PCBP3: variants seen among roughly 807,000 people sequenced by gnomAD.
PCBP3 encodes the protein poly(rC)-binding protein 3.
Under a neutral mutation model 52.7 loss-of-function variants are expected in PCBP3, and 25 were observed. The observed-to-expected ratio is 0.47, with a 90% confidence interval of 0.35 to 0.66. The LOEUF (loss-of-function observed/expected upper bound fraction) is 0.66, where lower values mean the gene tolerates loss of function less well. Among genes scored for constraint, PCBP3 ranks in the 30% least tolerant of loss-of-function variants. The probability of loss-of-function intolerance (pLI) is 0.01; values close to 1 mark genes in which losing one functional copy is unlikely to be tolerated. For missense variants in PCBP3, 391 were observed against 490.3 expected, an observed-to-expected ratio of 0.80 and a Z score of 1.91; for synonymous variants, 162 against 183.0, an observed-to-expected ratio of 0.89 and a Z score of 0.93.
At position 45,910,997 on chromosome 21, in the gene PCBP3, G is replaced by A. The variant is rs368925212; in HGVS notation, c.567G>A (p.Gln189=). The A allele has an allele frequency of 8.1e-6, 13 of 1,611,744 alleles. No homozygotes were observed. The African/African-American group carries it at 1.3e-4, about 17-fold the overall frequency. The change falls in exon 11 of 18, where the codon CAG becomes CAA. Residue 189 remains glutamine, a synonymous_variant. Coordinates refer to ENST00000681687, the MANE Select transcript of PCBP3 (RefSeq NM_001384156.1). ...TISGTPDAII[Q]CVKQICVVML... The stretch of plus-strand genomic sequence containing the variant: ...CGGGGACCCCAGATGCCATCATCCA[G>A]TGCGTCAAGCAGATCTGTGTGGTCA...
At chr21:45,856,575 A>T (rs1024193540) in intron 5 of PCBP3, among the ~76,000 whole-genome samples, 1 of 152,134 alleles carries the variant, frequency 6.6e-6, no homozygotes, top group African/African-American at 2.4e-5. Context: ...TAGTTGTGTA[A>T]AAGTGTGTGG....
At chr21:45,803,614 G>A (rs1451960918) in intron 4 of PCBP3, among the ~76,000 whole-genome samples, 1 of 152,186 alleles carries the variant, frequency 6.6e-6, no homozygotes, top group East Asian at 1.9e-4. Context: ...AGGACACTGA[G>A]GGCAGGAAGG....
intron 5 of PCBP3, among the ~76,000 whole-genome samples, chr21:45,879,210 CCTA>C (rs1312264876): frequency 2.0e-5 from 3 of 152,134 alleles, no homozygotes; most frequent in African/African-American, 7.2e-5. Flanking sequence ...GTCCTAAACT[CCTA>C]CACTCAAGCG....
At chr21:45,834,970 A>C (rs1460876797) in intron 4 of PCBP3, among the ~76,000 whole-genome samples, 2 of 152,168 alleles carry the variant, frequency 1.3e-5, no homozygotes, top group Non-Finnish European at 2.9e-5. Context: ...CGCGGTGTCC[A>C]CCCGTGCTCG....
intron 5 of PCBP3, among the ~76,000 whole-genome samples, chr21:45,885,605 G>A (rs1250934979): frequency 1.3e-5 from 2 of 151,986 alleles, no homozygotes; most frequent in Admixed American, 6.6e-5. Context: ...TTGTTGGGAC[G>A]GGGTACTTTC....
intron 3 of PCBP3, among the ~76,000 whole-genome samples, chr21:45,748,883 G>A (rs1316596807): frequency 1.3e-5 from 2 of 152,216 alleles, no homozygotes; most frequent in Non-Finnish European, 1.5e-5. Flanking sequence ...AGATCACCAC[G>A]TGACCTCGGC....
chr21:45,686,491 A>AC (rs1350533459), intron 2 of PCBP3, among the ~76,000 whole-genome samples: 1 of 152,212 alleles, frequency 6.6e-6, no homozygotes. Flanking sequence ...CCAGACACTT[A>AC]ATGTAATTTT....
chr21:45,934,687 A>G (rs9977242), intron 15 of PCBP3, among the ~76,000 whole-genome samples: 9,598 of 152,270 alleles, frequency 0.063, 749 homozygotes, highest in African/African-American at 0.18. Context: ...CATCAGAATC[A>G]GAATGAGAGG....
chr21:45,819,380 G>A (rs181643712), intron 4 of PCBP3, among the ~76,000 whole-genome samples: 23 of 152,344 alleles, frequency 1.5e-4, no homozygotes, highest in African/African-American at 5.3e-4. Context: ...GAGGGAAAGC[G>A]CTGGTTATGT....
At chr21:45,867,055 TGAG>T (rs1160806943) in intron 5 of PCBP3, among the ~76,000 whole-genome samples, 1 of 152,236 alleles carries the variant, frequency 6.6e-6, no homozygotes, top group Non-Finnish European at 1.5e-5. Flanking sequence ...CATCGGTCAT[TGAG>T]GTATCTATTC....
chr21:45,747,580 G>A lies in PCBP3; in HGVS notation c.-161-7837G>A, dbSNP rs185745492. 5.3e-5 allele frequency among the ~76,000 whole-genome samples: 8 copies of A among 152,332 alleles called. No individual in the cohort carries two copies. The East Asian group carries it at 1.2e-3, about 22-fold the overall frequency. ...CAGCACTATTTCACTGTGGAAATGC[G>A]GGCCCCAGAACCAGGAGGGCCAGGG... On this transcript the variant is annotated intron_variant, in intron 3 of 17. Coordinates refer to ENST00000681687, the MANE Select transcript of PCBP3 (RefSeq NM_001384156.1).
At chr21:45,893,834 T>C (rs1393988747) in intron 5 of PCBP3, 1 of 985,266 alleles carries the variant, frequency 1.0e-6, no homozygotes, top group Non-Finnish European at 1.2e-6. Flanking sequence ...GCCAGTCCCA[T>C]GGGGCCTTGG....
chr21:45,752,957 C>T (rs1467249921), intron 3 of PCBP3: 2 of 121,854 alleles, frequency 1.6e-5, no homozygotes, highest in Non-Finnish European at 3.3e-5. Flanking sequence ...AACATAGCAA[C>T]CCTGTCTCTC....
At chr21:45,785,020 G>A (rs1288634681) in intron 4 of PCBP3, among the ~76,000 whole-genome samples, 2 of 151,336 alleles carry the variant, frequency 1.3e-5, no homozygotes, top group African/African-American at 2.4e-5. Context: ...AGTGAGGAGC[G>A]TCTCTGCCCG....
At chr21:45,925,997 A>G (rs144123137) in intron 13 of PCBP3, among the ~76,000 whole-genome samples, 1 of 152,330 alleles carries the variant, frequency 6.6e-6, no homozygotes, top group African/African-American at 2.4e-5. Context: ...TGTAGAATTC[A>G]TGGAGACATT....
At chr21:45,715,535 G>C (rs1477565022) in intron 2 of PCBP3, among the ~76,000 whole-genome samples, 1 of 152,090 alleles carries the variant, frequency 6.6e-6, no homozygotes, top group Non-Finnish European at 1.5e-5. Context: ...TTCCTTCCCT[G>C]AGAAATGGGA....
intron 4 of PCBP3, chr21:45,828,113 G>A (rs376572770): frequency 3.3e-5 from 5 of 152,474 alleles, no homozygotes; most frequent in East Asian, 1.9e-4. Flanking sequence ...CCCGCAGGAC[G>A]GGAGTTATTC....
At position 45,741,469 on chromosome 21, in the gene PCBP3, G is replaced by A. The variant is rs977494718; in HGVS notation, c.-162+6040G>A. 1.3e-5 allele frequency among the ~76,000 whole-genome samples: 2 copies of A among 152,026 alleles called. No homozygotes were observed. The highest frequency in any genetic ancestry group is 2.9e-5 in the Non-Finnish European group (2 of 67,996). ...CTTTTATAGCAGGAAGCTAACAGCT[G>A]ATACATAAAGTTGTAAGATCAAGAA... On this transcript the variant is annotated intron_variant, in intron 3 of 17. Coordinates refer to ENST00000681687, the MANE Select transcript of PCBP3 (RefSeq NM_001384156.1). The surrounding 1 kb of genome is among the most constrained non-coding windows in gnomAD (Gnocchi z 4.5).
rs952650688 is a variant in PCBP3, at chr21:45,829,156, C to T, written c.-125-20805C>T. 6.6e-6 allele frequency: 1 copy of T among 152,352 alleles called. No homozygotes were observed. Among genetic ancestry groups the T allele is most frequent in the Non-Finnish European group, 1.5e-5 (1 of 68,144 alleles). 9.4% of individuals were successfully genotyped at this position (152,352 alleles called of 1,614,324 possible). A position where few individuals can be genotyped will look rare whatever the true frequency, so the allele number is the denominator to read the frequency against. ...TCCAGGGTGCCACGGTTTCACAACT[C>T]CAGAGCAGGGGTATAAGCCTGTCCT... On this transcript the variant is annotated intron_variant, in intron 4 of 17. Transcript: ENST00000681687. This position sits in a 1 kb window ranked among gnomAD's most constrained non-coding sequence, Gnocchi z 5.2.
Sources: allele counts gnomAD v4.1 joint callset (sites outside exome capture counted in the v4.1 genomes callset), GRCh38; gene constraint gnomAD v4.1.1; non-coding constraint Gnocchi (gnomAD v3.1); transcripts MANE v1.5; gene names NCBI Gene and HGNC (gene_info 2026-07-23, HGNC 2026-07-21).